The following SMAD3 variants were observed in gnomAD, a reference collection of about 807,000 sequenced individuals.
SMAD3 encodes SMAD family member 3, also known as MAD homolog 3.
SMAD3 carries 12 observed loss-of-function variants against 51.8 expected under a neutral mutation model. The observed-to-expected ratio is 0.23, with a 90% confidence interval of 0.15 to 0.38. The LOEUF is 0.38. Among genes scored for constraint, SMAD3 ranks in the 10% least tolerant of loss-of-function variants. SMAD3 has a pLI of 1.00. For synonymous variants in SMAD3, 238 were observed against 227.7 expected (o/e 1.05, Z -0.41); for missense variants, 294 against 565.6 (o/e 0.52, Z 4.87).
At chr15:67,072,888 A>C (rs563097482) in intron 1 of SMAD3, among the ~76,000 whole-genome samples, 1 of 150,524 alleles carries the variant, frequency 6.6e-6, no homozygotes, top group Non-Finnish European at 1.5e-5. Flanking sequence ...TCTAAGCTTT[A>C]GAACCGAGAC....
At chr15:67,108,556 C>T (rs1429643402) in intron 1 of SMAD3, among the ~76,000 whole-genome samples, 4 of 152,192 alleles carry the variant, frequency 2.6e-5, no homozygotes, top group African/African-American at 9.7e-5. Context: ...GCTGAGCATG[C>T]CTAGGTCTGA....
At chr15:67,087,719 A>G (rs534858495) in intron 1 of SMAD3, among the ~76,000 whole-genome samples, 25 of 151,320 alleles carry the variant, frequency 1.7e-4, no homozygotes, top group African/African-American at 6.0e-4. Flanking sequence ...TGTATAGAGC[A>G]AAGTATGCAT....
chr15:67,101,730 A>G (rs904505122), intron 1 of SMAD3, among the ~76,000 whole-genome samples: 24 of 152,230 alleles, frequency 1.6e-4, no homozygotes, highest in African/African-American at 5.8e-4. Flanking sequence ...TGACCTTAGG[A>G]AAGTGACCTA....
intron 1 of SMAD3, among the ~76,000 whole-genome samples, chr15:67,101,253 T>C (rs1566968474): frequency 6.6e-6 from 1 of 152,216 alleles, no homozygotes; most frequent in South Asian, 2.1e-4. Context: ...TCTTTTTGAC[T>C]ATGAACACCT....
At chr15:67,125,740 G>A in intron 1 of SMAD3, 1 of 985,712 alleles carries the variant, frequency 1.0e-6, no homozygotes, top group Non-Finnish European at 1.2e-6. Context: ...GCTTGCTGGA[G>A]GAGGATGACA....
intron 8 of SMAD3, among the ~76,000 whole-genome samples, chr15:67,189,962 G>A (rs568131560): frequency 2.1e-4 from 32 of 152,124 alleles, no homozygotes; most frequent in African/African-American, 6.7e-4. Context: ...CAATCAGACA[G>A]ACACACGTCA....
chr15:67,190,910 C>G lies in SMAD3; in HGVS notation c.*374C>G, dbSNP rs2140328713. 2.8e-6 allele frequency: 1 copy of G among 359,166 alleles called. No individual in the cohort carries two copies. Among genetic ancestry groups the G allele is most frequent in the Admixed American group, 4.0e-5 (1 of 24,976 alleles). 22.2% of individuals were successfully genotyped at this position (359,166 alleles called of 1,614,324 possible). A position where few individuals can be genotyped will look rare whatever the true frequency, so the allele number is the denominator to read the frequency against. ...ACCAGAAACACCCCTCTGTCTAGGACTGCAGTGTGGAGTTCACCTTGGAAG... is the reference window on the plus strand; with the variant it reads ...ACCAGAAACACCCCTCTGTCTAGGAGTGCAGTGTGGAGTTCACCTTGGAAG... On this transcript the variant is annotated 3_prime_UTR_variant, in exon 9 of 9. Coordinates refer to ENST00000327367, the MANE Select transcript of SMAD3 (RefSeq NM_005902.4).
intron 1 of SMAD3, among the ~76,000 whole-genome samples, chr15:67,106,180 T>G (rs1210510384): frequency 6.6e-6 from 1 of 152,152 alleles, no homozygotes; most frequent in African/African-American, 2.4e-5. Context: ...GGGCCCATTC[T>G]CCACCGGCAG....
intron 6 of SMAD3, among the ~76,000 whole-genome samples, chr15:67,182,909 A>T (rs972384598): frequency 6.8e-6 from 1 of 147,030 alleles, no homozygotes; most frequent in Non-Finnish European, 1.5e-5. Context: ...GGCTCAAGCT[A>T]TCCTCCCATC....
At chr15:67,165,461 A>G (rs550050691) in intron 3 of SMAD3, 77 bp downstream of exon 3, 76 of 1,557,900 alleles carry the variant, frequency 4.9e-5, no homozygotes, top group African/African-American at 4.2e-4. Context: ...TGTGGCCCCA[A>G]TCTCTGCCCC....
At chr15:67,145,426 C>T (rs1221643889) in intron 1 of SMAD3, among the ~76,000 whole-genome samples, 1 of 152,072 alleles carries the variant, frequency 6.6e-6, no homozygotes, top group African/African-American at 2.4e-5. Flanking sequence ...GGATGCTGTG[C>T]CATTTAAAAA....
chr15:67,097,580 G>A (rs1348203621), intron 1 of SMAD3, among the ~76,000 whole-genome samples: 4 of 152,048 alleles, frequency 2.6e-5, no homozygotes, highest in Non-Finnish European at 5.9e-5. Flanking sequence ...TTGATGTTGG[G>A]CAGGTTGTTC....
At chr15:67,081,161 C>T (rs150262411) in intron 1 of SMAD3, among the ~76,000 whole-genome samples, 2 of 152,276 alleles carry the variant, frequency 1.3e-5, no homozygotes, top group East Asian at 1.9e-4. Context: ...AAATAGAACA[C>T]GATGCATTTC....
At chr15:67,135,777 T>C (rs1961644560) in intron 1 of SMAD3, among the ~76,000 whole-genome samples, 2 of 152,218 alleles carry the variant, frequency 1.3e-5, no homozygotes, top group Non-Finnish European at 2.9e-5. Flanking sequence ...TATGTGTGTG[T>C]GTTTTCATCG....
At chr15:67,083,537 T>C (rs1960321278) in intron 1 of SMAD3, among the ~76,000 whole-genome samples, 1 of 152,222 alleles carries the variant, frequency 6.6e-6, no homozygotes, top group African/African-American at 2.4e-5. Context: ...TGCTTTAACT[T>C]CAACGATGAG....
At chr15:67,101,811 G>A (rs1029840328) in intron 1 of SMAD3, among the ~76,000 whole-genome samples, 10 of 152,218 alleles carry the variant, frequency 6.6e-5, no homozygotes, top group Non-Finnish European at 1.2e-4. Flanking sequence ...ATCTTATGGA[G>A]TTGGTGTAAG....
intron 8 of SMAD3, among the ~76,000 whole-genome samples, chr15:67,189,688 C>T (rs1044408108): frequency 7.2e-5 from 11 of 152,212 alleles, no homozygotes; most frequent in African/African-American, 2.7e-4. Flanking sequence ...CTGGCACCAG[C>T]GACTCCAGCC....
rs116973654 is a variant in SMAD3, at chr15:67,132,984, C to T, written c.207-31911C>T. Among the ~76,000 whole-genome samples the T allele has an allele frequency of 1.7e-3, 256 of 152,344 alleles. 4 individuals carry two copies. The East Asian group carries it at 0.032, about 19-fold the overall frequency. On this transcript the variant is annotated intron_variant, in intron 1 of 8. Coordinates refer to ENST00000327367, the MANE Select transcript of SMAD3 (RefSeq NM_005902.4). ...CTGTTCACTTGGATTTCTCTCCTCCCTGCAAAGCATCATCAGCTTCCTCCT... is the reference window on the plus strand; with the variant it reads ...CTGTTCACTTGGATTTCTCTCCTCCTTGCAAAGCATCATCAGCTTCCTCCT...
At chr15:67,181,169 C>T (rs1334067541) in intron 5 of SMAD3, 72 bp from the exon 6 acceptor site, 1 of 1,126,256 alleles carries the variant, frequency 8.9e-7, no homozygotes, top group Non-Finnish European at 1.3e-6. Context: ...TCCAGAGTGT[C>T]CATGGGACCC....
Sources: allele counts gnomAD v4.1 joint callset (sites outside exome capture counted in the v4.1 genomes callset), GRCh38; gene constraint gnomAD v4.1.1; transcripts MANE v1.5; gene names NCBI Gene and HGNC (gene_info 2026-07-23, HGNC 2026-07-21).